HECW2: variants seen among roughly 807,000 people sequenced by gnomAD.
HECW2 encodes HECT, C2 and WW domain containing E3 ubiquitin protein ligase 2, also known as E3 ubiquitin-protein ligase HECW2.
In HECW2, 61 loss-of-function variants were observed where a neutral mutation model predicts 175.2. That is an observed-to-expected ratio of 0.35 (90% CI 0.28 to 0.43). HECW2 has a LOEUF of 0.43. HECW2 is among the 20% of genes least tolerant of loss of function. The probability of loss-of-function intolerance (pLI) is 1.00; values close to 1 mark genes in which losing one functional copy is unlikely to be tolerated. For missense variants in HECW2, 1,524 were observed against 2,000.5 expected (o/e 0.76, Z 4.54); for synonymous variants, 671 against 731.0 (o/e 0.92, Z 1.32).
At chr2:196,224,988 C>T (rs1335239678) in intron 23 of HECW2, among the ~76,000 whole-genome samples, 1 of 152,152 alleles carries the variant, frequency 6.6e-6, no homozygotes, top group Non-Finnish European at 1.5e-5. Context: ...TCTAGGCTTC[C>T]ATTTTACAGT....
At chr2:196,507,867 C>A (rs1687821112) in intron 1 of HECW2, among the ~76,000 whole-genome samples, 1 of 152,188 alleles carries the variant, frequency 6.6e-6, no homozygotes, top group Admixed American at 6.5e-5. Flanking sequence ...CCTTCTACCA[C>A]CTATCAATGG....
At chr2:196,384,943 G>T (rs1477771665) in intron 2 of HECW2, among the ~76,000 whole-genome samples, 2 of 151,516 alleles carry the variant, frequency 1.3e-5, no homozygotes, top group African/African-American at 4.9e-5. Context: ...TTTAGTCAGG[G>T]TCCTGTTCTT....
rs775146286 is a variant in HECW2 at position 196,325,145 on chromosome 2, A to C, written c.576T>G (p.Leu192=). The part of the protein sequence containing the change: ...RKLVSFTLSD[L]RAVGLKKGMF... ...TCCCTTTCTTTAGCCCAACTGCCCT[A>C]AGATCTTTAAAGAAAGAGGGAGAAG... The change falls in exon 6 of 29, where the codon CTT becomes CTG. Residue 192 remains leucine (L), a synonymous_variant. Transcript: ENST00000644978. 2.3e-5 allele frequency: 36 copies of C among 1,578,868 alleles called. No homozygotes were observed. The highest frequency in any genetic ancestry group is 2.9e-5 in the Non-Finnish European group (34 of 1,164,788).
chr2:196,544,581 A>T (rs1423804196), intron 1 of HECW2, among the ~76,000 whole-genome samples: 1 of 152,216 alleles, frequency 6.6e-6, no homozygotes, highest in African/African-American at 2.4e-5. Flanking sequence ...CTGAGAAATG[A>T]ATTTCAACCT....
chr2:196,434,883 C>G (rs1158084626), intron 1 of HECW2, among the ~76,000 whole-genome samples: 1 of 152,158 alleles, frequency 6.6e-6, no homozygotes, highest in Non-Finnish European at 1.5e-5. Flanking sequence ...AACAAAGTAA[C>G]CTTGGGTGCA....
intron 18 of HECW2, among the ~76,000 whole-genome samples, chr2:196,256,372 T>C (rs1339383126): frequency 1.3e-5 from 2 of 152,194 alleles, no homozygotes; most frequent in African/African-American, 4.8e-5. Context: ...GCTCTTTATG[T>C]ATGAATGAGT....
At chr2:196,507,321 G>A (rs966823109) in intron 1 of HECW2, among the ~76,000 whole-genome samples, 4 of 151,902 alleles carry the variant, frequency 2.6e-5, no homozygotes, top group Non-Finnish European at 4.4e-5. Flanking sequence ...AACATATACA[G>A]AGAAAAACAG....
intron 19 of HECW2, among the ~76,000 whole-genome samples, chr2:196,248,629 C>CAGAGAGAG (rs199534761): frequency 1.7e-4 from 25 of 149,762 alleles, no homozygotes; most frequent in African/African-American, 5.5e-4. Flanking sequence ...CACACACACA[C>CAGAGAGAG]ACAGAGAGAG....
chr2:196,238,414 C>T (rs1688329047), intron 21 of HECW2: 1 of 150,904 alleles, frequency 6.6e-6, no homozygotes, highest in Admixed American at 6.6e-5. Context: ...AAAAGAGCTC[C>T]TTACTTTTAT....
intron 2 of HECW2, among the ~76,000 whole-genome samples, chr2:196,356,708 T>TGA (rs1378007698): frequency 1.3e-5 from 2 of 152,200 alleles, no homozygotes; most frequent in East Asian, 1.9e-4. Context: ...GAAGCTATTT[T>TGA]GAGAGAGAGA....
chr2:196,199,424 C>T lies in HECW2; in HGVS notation c.*1853G>A, dbSNP rs1686787087. The T allele has an allele frequency of 6.6e-6, 1 of 152,472 alleles. No individual in the cohort carries two copies. The highest frequency in any genetic ancestry group is 6.6e-5 in the Admixed American group (1 of 15,256). 9.4% of individuals were successfully genotyped at this position (152,472 alleles called of 1,614,324 possible). A position where few individuals can be genotyped will look rare whatever the true frequency, so the allele number is the denominator to read the frequency against. ...ACATTTCTTCACACTGCAGTACGTG[C>T]CTTTAGTGCAGGAGTGTAACATAAG... On this transcript the variant is annotated 3_prime_UTR_variant, in exon 29 of 29. Transcript: ENST00000644978.
At chr2:196,228,889 A>C (rs1470165335) in intron 21 of HECW2, among the ~76,000 whole-genome samples, 1 of 152,200 alleles carries the variant, frequency 6.6e-6, no homozygotes, top group Non-Finnish European at 1.5e-5. Context: ...CTTCCTAAGG[A>C]AGGCATTTGG....
chr2:196,221,005 T>G, intron 24 of HECW2, 64 bp from the exon 25 acceptor site: 1 of 1,523,754 alleles, frequency 6.6e-7, no homozygotes, highest in Non-Finnish European at 9.0e-7. Context: ...ACAACATTAC[T>G]AGCATTGAGC....
At chr2:196,463,393 C>A (rs1389697392) in intron 1 of HECW2, among the ~76,000 whole-genome samples, 1 of 148,426 alleles carries the variant, frequency 6.7e-6, no homozygotes, top group East Asian at 2.0e-4. Flanking sequence ...CCCACCACCA[C>A]CCTCTACCCT....
At chr2:196,249,393 G>A (rs1310439075) in intron 19 of HECW2, among the ~76,000 whole-genome samples, 1 of 152,144 alleles carries the variant, frequency 6.6e-6, no homozygotes, top group Admixed American at 6.5e-5. Flanking sequence ...AAAAAGCAGT[G>A]AGTCAAAGTT....
chr2:196,469,899 CT>C (rs528801677), intron 1 of HECW2, among the ~76,000 whole-genome samples: 1 of 151,472 alleles, frequency 6.6e-6, no homozygotes, highest in African/African-American at 2.4e-5. Context: ...GGGAAATTGA[CT>C]TTTTTTTACA....
chr2:196,262,675 C>T (rs1031884414), intron 17 of HECW2, among the ~76,000 whole-genome samples: 2 of 152,058 alleles, frequency 1.3e-5, no homozygotes, highest in African/African-American at 4.8e-5. Context: ...AAGTGATTCT[C>T]CTGCCTCAGC....
At chr2:196,405,829 TCTCAA>T (rs752331070) in intron 2 of HECW2, among the ~76,000 whole-genome samples, 1 of 151,980 alleles carries the variant, frequency 6.6e-6, no homozygotes. Flanking sequence ...CACATCTCTT[TCTCAA>T]CTCATTTCAT....
intron 19 of HECW2, among the ~76,000 whole-genome samples, chr2:196,244,614 T>C (rs1688581565): frequency 6.6e-6 from 1 of 152,054 alleles, no homozygotes; most frequent in Admixed American, 6.6e-5. Context: ...AATAGTAATG[T>C]TATAAAAAAG....
Sources: gnomAD v4.1 joint callset for allele counts (sites outside exome capture counted in the v4.1 genomes callset) on GRCh38, gnomAD v4.1.1 for gene constraint, MANE v1.5 for transcripts, NCBI Gene and HGNC (gene_info 2026-07-23, HGNC 2026-07-21) for gene names.